The following SKAP1 variants were observed in gnomAD, a reference collection of about 807,000 sequenced individuals.
SKAP1 encodes the protein src kinase associated phosphoprotein 1, also known as src kinase-associated phosphoprotein 1.
SKAP1 carries 44 observed loss-of-function variants against 58.5 expected under a neutral mutation model. That is an observed-to-expected ratio of 0.75 (90% CI 0.59 to 0.97). The LOEUF is 0.97. SKAP1 is among the 50% of genes least tolerant of loss of function. SKAP1 has a pLI of 0.00. For synonymous variants in SKAP1, 127 were observed against 149.7 expected, an observed-to-expected ratio of 0.85 and a Z score of 1.11; for missense variants, 390 against 435.2, an observed-to-expected ratio of 0.90 and a Z score of 0.92.
Position 48,162,530 on chromosome 17 carries a change from T to C in SKAP1, c.917A>G (p.His306Arg), listed in dbSNP as rs2064083514. The C allele has an allele frequency of 5.6e-6, 9 of 1,613,874 alleles. No individual in the cohort carries two copies. The Middle Eastern group carries it at 4.9e-4, about 88-fold the overall frequency. The change falls in exon 11 of 13, where the codon CAT (histidine) becomes CGT (arginine). Residue 306 changes from histidine (H) to arginine (R), a missense_variant. Transcript: ENST00000336915. ...GGACAGTTCATCTGGCTGGTCACCA[T>C]GGCAATCCCATAGGCCCTGGTAGTA... ...ASYYQGLWDC[H>R]GDQPDELSFQ...
chr17:48,293,978 A>G (rs1354273312), intron 4 of SKAP1, among the ~76,000 whole-genome samples: 1 of 152,198 alleles, frequency 6.6e-6, no homozygotes, highest in Non-Finnish European at 1.5e-5. Flanking sequence ...ACTGCAGATC[A>G]ATCATTTATA....
intron 10 of SKAP1, among the ~76,000 whole-genome samples, chr17:48,167,345 G>A (rs900794836): frequency 2.6e-5 from 4 of 151,970 alleles, no homozygotes; most frequent in Non-Finnish European, 4.4e-5. Flanking sequence ...TTGGAAGTGG[G>A]GTATACTCAG....
intron 3 of SKAP1, among the ~76,000 whole-genome samples, chr17:48,357,345 T>G (rs893018874): frequency 6.6e-6 from 1 of 152,130 alleles, no homozygotes; most frequent in South Asian, 2.1e-4. Context: ...AAAAAAAATC[T>G]TTTGGCCGGG....
In SKAP1 at chr17:48,347,351, G is replaced by A. The variant is rs565152852; in HGVS notation, c.179-1345C>T. ...CCTTGGATTTCAACTAGGGAGCTGT[G>A]AAACCAAACAACCTACATAGAATCT... On this transcript the variant is annotated intron_variant, in intron 3 of 12. Transcript: ENST00000336915. Among the ~76,000 whole-genome samples, 4 of 152,262 alleles carry A rather than the reference G, an allele frequency of 2.6e-5. No individual in the cohort carries two copies. The South Asian group carries it at 6.2e-4, about 24-fold the overall frequency.
At chr17:48,314,499 T>G (rs2066264037) in intron 4 of SKAP1, among the ~76,000 whole-genome samples, 1 of 152,126 alleles carries the variant, frequency 6.6e-6, no homozygotes, top group African/African-American at 2.4e-5. Context: ...TAATTATACT[T>G]TGAAACCAAA....
At chr17:48,235,462 G>A (rs999841154) in intron 4 of SKAP1, among the ~76,000 whole-genome samples, 1 of 151,220 alleles carries the variant, frequency 6.6e-6, no homozygotes, top group African/African-American at 2.4e-5. Flanking sequence ...GTTCATCAAA[G>A]TTGCTCACAG....
chr17:48,155,174 C>G (rs1001400264), intron 11 of SKAP1, among the ~76,000 whole-genome samples: 1 of 151,464 alleles, frequency 6.6e-6, no homozygotes, highest in African/African-American at 2.4e-5. Context: ...GTCATCCAGA[C>G]TGGAGTGCAA....
At chr17:48,202,578 G>A (rs1295491966) in intron 4 of SKAP1, among the ~76,000 whole-genome samples, 2 of 152,088 alleles carry the variant, frequency 1.3e-5, no homozygotes, top group Non-Finnish European at 2.9e-5. Flanking sequence ...GGATTTTTCT[G>A]TTTCATCCGA....
chr17:48,151,086 GAAA>G (rs369278460), intron 11 of SKAP1, among the ~76,000 whole-genome samples: 11 of 130,390 alleles, frequency 8.4e-5, no homozygotes, highest in Non-Finnish European at 9.8e-5. Flanking sequence ...GACGCAGCAG[GAAA>G]AAAAAAAAAA....
At chr17:48,212,752 C>T (rs2064889342) in intron 4 of SKAP1, among the ~76,000 whole-genome samples, 1 of 152,202 alleles carries the variant, frequency 6.6e-6, no homozygotes, top group Non-Finnish European at 1.5e-5. Flanking sequence ...AATCTGATCT[C>T]CCTAAATCAT....
At chr17:48,223,427 C>T (rs1407468339) in intron 4 of SKAP1, among the ~76,000 whole-genome samples, 4 of 152,190 alleles carry the variant, frequency 2.6e-5, no homozygotes, top group Non-Finnish European at 5.9e-5. Flanking sequence ...TGTGTCCACT[C>T]CCTTATATTC....
intron 2 of SKAP1, among the ~76,000 whole-genome samples, chr17:48,367,438 A>C (rs2067018374): frequency 6.6e-6 from 1 of 151,064 alleles, no homozygotes; most frequent in Admixed American, 6.6e-5. Context: ...ACCAAAAAAA[A>C]GGTAACCATG....
chr17:48,337,758 CAT>C (rs1297409965), intron 4 of SKAP1, among the ~76,000 whole-genome samples: 8 of 152,144 alleles, frequency 5.3e-5, no homozygotes, highest in Non-Finnish European at 7.3e-5. Flanking sequence ...AAGAGAGACA[CAT>C]GTGTCTGAAG....
At chr17:48,184,672 G>C (rs776923952) in intron 7 of SKAP1, 51 bp downstream of exon 7, 43 of 1,611,896 alleles carry the variant, frequency 2.7e-5, no homozygotes, top group Non-Finnish European at 2.5e-6. Flanking sequence ...ATGCAATACA[G>C]AAGGAAACTG....
At chr17:48,327,339 C>G (rs931385486) in intron 4 of SKAP1, among the ~76,000 whole-genome samples, 1 of 152,162 alleles carries the variant, frequency 6.6e-6, no homozygotes, top group Non-Finnish European at 1.5e-5. Context: ...GCTAATGGAA[C>G]ATTCTGTCAG....
intron 4 of SKAP1, among the ~76,000 whole-genome samples, chr17:48,257,500 A>C (rs1473814212): frequency 1.3e-5 from 2 of 152,174 alleles, no homozygotes; most frequent in African/African-American, 4.8e-5. Context: ...TAACTTAAAA[A>C]TGCAGCTTCA....
intron 9 of SKAP1, among the ~76,000 whole-genome samples, chr17:48,176,435 G>A (rs534114090): frequency 2.8e-4 from 42 of 152,324 alleles, no homozygotes; most frequent in African/African-American, 8.9e-4. Context: ...ATGCTGGCCT[G>A]TAAAATAACT....
At chr17:48,331,599 T>C (rs2066508335) in intron 4 of SKAP1, among the ~76,000 whole-genome samples, 1 of 151,912 alleles carries the variant, frequency 6.6e-6, no homozygotes, top group African/African-American at 2.4e-5. Flanking sequence ...CTCAAAAGGC[T>C]GAGGCAGGAG....
chr17:48,172,415 T>C (rs1312151963), intron 9 of SKAP1, among the ~76,000 whole-genome samples: 1 of 152,196 alleles, frequency 6.6e-6, no homozygotes, highest in African/African-American at 2.4e-5. Flanking sequence ...CATTACCCGA[T>C]AAAATAGGAA....
Sources: allele counts gnomAD v4.1 joint callset (sites outside exome capture counted in the v4.1 genomes callset), GRCh38; gene constraint gnomAD v4.1.1; transcripts MANE v1.5; gene names NCBI Gene and HGNC (gene_info 2026-07-23, HGNC 2026-07-21).